The following GPR161 variants were observed in gnomAD, a reference collection of about 807,000 sequenced individuals.
The protein encoded by GPR161 is G protein-coupled receptor 161, also known as G-protein coupled receptor RE2.
GPR161 carries 25 observed loss-of-function variants against 39.2 expected under a neutral mutation model. The ratio of observed to expected loss-of-function variants is 0.64; its 90% CI spans 0.47 to 0.89. The LOEUF is 0.89. GPR161 is among the 40% of genes least tolerant of loss of function. GPR161 has a pLI of 0.00. For synonymous variants in GPR161, 286 were observed against 276.6 expected, an observed-to-expected ratio of 1.03 and a Z score of -0.34; for missense variants, 547 against 677.8, an observed-to-expected ratio of 0.81 and a Z score of 2.14.
chr1:168,132,596 A>G (rs1050307173), intron 1 of GPR161, among the ~76,000 whole-genome samples: 10 of 152,032 alleles, frequency 6.6e-5, no homozygotes, highest in Non-Finnish European at 1.3e-4. Context: ...TCAAAAAAAA[A>G]AAAAAGAAAA....
Position 168,136,558 on chromosome 1 carries a change from C to G in GPR161, c.-45+181G>C, listed in dbSNP as rs1390703056. 10 of 1,254,362 alleles carry G rather than the reference C, an allele frequency of 8.0e-6. No individual in the cohort carries two copies. In the South Asian group the frequency reaches 3.1e-4, roughly 39 times the overall value. 77.7% of individuals were successfully genotyped at this position (1,254,362 alleles called of 1,614,324 possible). A position where few individuals can be genotyped will look rare whatever the true frequency, so the allele number is the denominator to read the frequency against. ...CAGCTCTCCAAAGCAAGGCGCAGTG[C>G]GGGCGGAGGACAGCCCTGACCTCCG... On this transcript the variant is annotated intron_variant, in intron 1 of 5. Coordinates refer to ENST00000682931, the MANE Select transcript of GPR161 (RefSeq NM_001375883.1).
At chr1:168,121,739 C>A (rs1698182616) in intron 1 of GPR161, among the ~76,000 whole-genome samples, 1 of 152,212 alleles carries the variant, frequency 6.6e-6, no homozygotes, top group South Asian at 2.1e-4. Flanking sequence ...GCACATTAGG[C>A]AGGGATTTTT....
intron 1 of GPR161, chr1:168,135,070 G>A: frequency 6.8e-7 from 1 of 1,480,690 alleles, no homozygotes; most frequent in Non-Finnish European, 9.0e-7. Flanking sequence ...GGATATCGTT[G>A]CGGCCTTGGA....
intron 1 of GPR161, among the ~76,000 whole-genome samples, chr1:168,115,719 A>T (rs1316119013): frequency 6.6e-6 from 1 of 151,680 alleles, no homozygotes; most frequent in Non-Finnish European, 1.5e-5. Flanking sequence ...CTCTCTAATG[A>T]GGGTCCCCGG....
At chr1:168,093,224 T>A (rs1695231115) in intron 3 of GPR161, among the ~76,000 whole-genome samples, 1 of 152,052 alleles carries the variant, frequency 6.6e-6, no homozygotes. Flanking sequence ...AGTCCAGAGA[T>A]CTAAATTCCT....
At position 168,085,483 on chromosome 1, in the gene GPR161, T is replaced by C. The variant is rs778264073; in HGVS notation, c.*48A>G. The C allele has an allele frequency of 6.4e-7, 1 of 1,566,466 alleles. No homozygotes were observed. The highest frequency in any genetic ancestry group is 8.7e-7 in the Non-Finnish European group (1 of 1,149,842). On this transcript the variant is annotated 3_prime_UTR_variant, in exon 6 of 6. Coordinates refer to ENST00000682931, the MANE Select transcript of GPR161 (RefSeq NM_001375883.1). ...CGGCACAGGCGGTGATGGGAACTCC[T>C]CCCCGGGCCAGCCTCTCAGGCTGCA...
intron 3 of GPR161, among the ~76,000 whole-genome samples, chr1:168,092,997 G>T (rs1374043988): frequency 1.3e-5 from 2 of 152,168 alleles, no homozygotes; most frequent in African/African-American, 4.8e-5. Flanking sequence ...CTCCAGCCCT[G>T]GCTGGAGTGA....
chr1:168,087,777 A>G (rs1472587002), intron 4 of GPR161, 73 bp from the exon 5 acceptor site: 5 of 1,401,466 alleles, frequency 3.6e-6, no homozygotes, highest in Non-Finnish European at 4.9e-6. Flanking sequence ...CCCTCTCAAC[A>G]CCCCTTCCAC....
chr1:168,112,198 G>A (rs1697231225), intron 1 of GPR161, among the ~76,000 whole-genome samples: 2 of 151,990 alleles, frequency 1.3e-5, no homozygotes, highest in Admixed American at 6.6e-5. Context: ...AAAAAATTTG[G>A]GACCAGGCAT....
intron 1 of GPR161, chr1:168,136,419 C>T: frequency 7.4e-7 from 1 of 1,353,746 alleles, no homozygotes; most frequent in Non-Finnish European, 9.5e-7. Context: ...TTAGGGGCTT[C>T]GGGCGGCGCC....
intron 1 of GPR161, chr1:168,118,530 A>T (rs905851809): frequency 6.6e-6 from 1 of 152,218 alleles, no homozygotes; most frequent in Non-Finnish European, 1.5e-5. Context: ...CCAGTGATGG[A>T]TACGCTAAAA....
At chr1:168,086,934 C>T (rs374102023) in intron 5 of GPR161, among the ~76,000 whole-genome samples, 6 of 152,284 alleles carry the variant, frequency 3.9e-5, no homozygotes, top group African/African-American at 1.2e-4. Flanking sequence ...TGAAGAGCCT[C>T]CTTACATCGG....
rs1371079578 is a variant in GPR161, at chr1:168,083,743, T to TTCAA, written c.*1784_*1787dup. On this transcript the variant is annotated 3_prime_UTR_variant, in exon 6 of 6. Coordinates refer to ENST00000682931, the MANE Select transcript of GPR161 (RefSeq NM_001375883.1). ...ATCCAGGTGACCCAGAATAGTTGAG[T>TTCAA]TCAATCACCACAGGTAGCAAGACTC... The TTCAA allele has an allele frequency of 6.6e-6, 1 of 151,962 alleles. No homozygotes were observed. The highest frequency in any genetic ancestry group is 1.9e-4 in the East Asian group (1 of 5,180). 9.4% of individuals were successfully genotyped at this position (151,962 alleles called of 1,614,324 possible). A position where few individuals can be genotyped will look rare whatever the true frequency, so the allele number is the denominator to read the frequency against.
chr1:168,136,324 C>A, intron 1 of GPR161: 2 of 1,485,150 alleles, frequency 1.3e-6, no homozygotes, highest in Non-Finnish European at 1.8e-6. Flanking sequence ...CTGAGCGGGA[C>A]GTGGAGTCTC....
At chr1:168,093,038 T>A (rs1572257736) in intron 3 of GPR161, among the ~76,000 whole-genome samples, 1 of 152,048 alleles carries the variant, frequency 6.6e-6, no homozygotes, top group Admixed American at 6.5e-5. Flanking sequence ...GAAGGGCAGG[T>A]GGAGGGGCTG....
rs373776672 is a variant in GPR161, at chr1:168,104,775, C to T, written c.76G>A (p.Val26Ile). ...ATGGCGATGAACTGGGTGATGATGA[C>T]GCCCCCTTCGCCACCCTCCTCCTCA... ...LTEEEGGEGGVIITQFIAIIV... is the reference protein window; with the variant it reads ...LTEEEGGEGGIIITQFIAIIV... The change falls in exon 2 of 6, where the codon GTC becomes ATC. Residue 26 changes from valine to isoleucine, a missense_variant. Coordinates refer to ENST00000682931, the MANE Select transcript of GPR161 (RefSeq NM_001375883.1). 177 of 1,613,772 alleles carry T rather than the reference C, an allele frequency of 1.1e-4. No homozygotes were observed. Among genetic ancestry groups the T allele is most frequent in the Middle Eastern group, 1.6e-4 (1 of 6,084 alleles).
chr1:168,095,170 CA>C (rs199785954), intron 3 of GPR161, among the ~76,000 whole-genome samples: 1,650 of 152,268 alleles, frequency 0.011, 13 homozygotes, highest in Middle Eastern at 0.017. Context: ...GGGCAGTCTA[CA>C]AAATACCTGG....
chr1:168,123,216 C>T (rs1002525177), intron 1 of GPR161, among the ~76,000 whole-genome samples: 3 of 152,162 alleles, frequency 2.0e-5, no homozygotes, highest in African/African-American at 7.2e-5. Flanking sequence ...GAGGCCAAGG[C>T]AGGAAAATTG....
intron 2 of GPR161, among the ~76,000 whole-genome samples, chr1:168,103,514 G>C (rs1208950504): frequency 6.6e-6 from 1 of 151,870 alleles, no homozygotes; most frequent in East Asian, 1.9e-4. Context: ...ACAAAGAGCT[G>C]CCAGATTCCA....
Sources: allele counts gnomAD v4.1 joint callset (sites outside exome capture counted in the v4.1 genomes callset), GRCh38; gene constraint gnomAD v4.1.1; transcripts MANE v1.5; gene names NCBI Gene and HGNC (gene_info 2026-07-23, HGNC 2026-07-21).